PTTG1IP2: variants seen among roughly 807,000 people sequenced by gnomAD.
The protein encoded by PTTG1IP2 is PTTG1IP family member 2.
chr7:90,504,810 C>T (rs1798106591), intron 6 of PTTG1IP2, among the ~76,000 whole-genome samples: 1 of 152,216 alleles, frequency 6.6e-6, no homozygotes, highest in Non-Finnish European at 1.5e-5. Flanking sequence ...TCACTTTTGT[C>T]TCATGGCTGA....
chr7:90,509,076 A>T (rs11563369), intron 6 of PTTG1IP2, among the ~76,000 whole-genome samples: 19,015 of 150,878 alleles, frequency 0.13, 1,345 homozygotes, highest in Middle Eastern at 0.21. Context: ...TAAAGATGAC[A>T]TGGAAATATA....
chr7:90,509,868 A>T (rs533039344), intron 6 of PTTG1IP2, among the ~76,000 whole-genome samples: 1 of 152,162 alleles, frequency 6.6e-6, no homozygotes, highest in African/African-American at 2.4e-5. Context: ...ATAACCTATT[A>T]ATATTTGTAA....
chr7:90,490,336 A>T (rs542953730), intron 4 of PTTG1IP2, among the ~76,000 whole-genome samples: 1 of 152,138 alleles, frequency 6.6e-6, no homozygotes, highest in African/African-American at 2.4e-5. Context: ...TAAATAAGAT[A>T]GACGTGACCC....
intron 2 of PTTG1IP2, among the ~76,000 whole-genome samples, chr7:90,483,380 G>T (rs1238621528): frequency 6.6e-6 from 1 of 152,128 alleles, no homozygotes; most frequent in East Asian, 1.9e-4. Context: ...TTTCTGAGGT[G>T]AATCCCTTAG....
chr7:90,472,641 T>G (rs2116040301), intron 1 of PTTG1IP2, among the ~76,000 whole-genome samples: 1 of 152,342 alleles, frequency 6.6e-6, no homozygotes, highest in South Asian at 2.1e-4. Context: ...GCCTCATTCC[T>G]CTGTCCTCTA....
intron 4 of PTTG1IP2, among the ~76,000 whole-genome samples, chr7:90,491,460 T>C (rs1797936674): frequency 6.6e-6 from 1 of 151,908 alleles, no homozygotes; most frequent in Admixed American, 6.6e-5. Context: ...CCATCTCTAC[T>C]AAAAATACAA....
chr7:90,471,695 C>T (rs1797689428), intron 1 of PTTG1IP2, among the ~76,000 whole-genome samples: 1 of 152,128 alleles, frequency 6.6e-6, no homozygotes, highest in South Asian at 2.1e-4. Context: ...TACTATAATC[C>T]AATAATTTTT....
At position 90,469,810 on chromosome 7, in the gene PTTG1IP2, C is replaced by T. The variant is rs1435234002; in HGVS notation, c.24C>T (p.Gly8=). ...AGATGTGCTGGCTGCGGGCATGGGG[C>T]CAGATCCTCCTGCCAGTTTTCCTCT... MCWLRAW[G]QILLPVFLSL... is the part of the protein sequence containing the mutation. The change falls in exon 1 of 7, where the codon GGC becomes GGT. Residue 8 remains glycine (G), a synonymous_variant. Transcript: ENST00000509356. The T allele has an allele frequency of 2.6e-5, 4 of 152,874 alleles. No individual in the cohort carries two copies. The highest frequency in any genetic ancestry group is 9.7e-5 in the African/African-American group (4 of 41,426). The allele number at this position is 152,874 out of a possible 1,614,324, so 9.5% of individuals were successfully genotyped here.
intron 4 of PTTG1IP2, among the ~76,000 whole-genome samples, chr7:90,491,896 C>T (rs562562015): frequency 8.6e-5 from 13 of 151,718 alleles, no homozygotes; most frequent in East Asian, 3.9e-4. Context: ...TTTGGGAGGC[C>T]GAAGTGGGTG....
intron 6 of PTTG1IP2, among the ~76,000 whole-genome samples, chr7:90,495,428 T>C (rs1269619611): frequency 6.6e-6 from 1 of 152,204 alleles, no homozygotes; most frequent in Admixed American, 6.5e-5. Context: ...GGACTATCCT[T>C]TGGATTACAA....
Position 90,498,411 on chromosome 7 carries a change from C to A in PTTG1IP2, c.*50+3981C>A, listed in dbSNP as rs935762442. Among the ~76,000 whole-genome samples, 3 of 152,264 alleles carry A rather than the reference C, an allele frequency of 2.0e-5. No individual in the cohort carries two copies. The East Asian group carries it at 5.8e-4, about 29-fold the overall frequency. On this transcript the variant is annotated intron_variant, in intron 6 of 6. Transcript: ENST00000509356. Reference sequence around the variant, plus strand: ...AAAAATAAGATCCAACTATATGCTGCCTGTAGGAGACTCTCTTCACCATCT... The same window carrying A: ...AAAAATAAGATCCAACTATATGCTGACTGTAGGAGACTCTCTTCACCATCT...
chr7:90,498,180 C>T (rs569101453), intron 6 of PTTG1IP2, among the ~76,000 whole-genome samples: 1 of 152,260 alleles, frequency 6.6e-6, no homozygotes, highest in East Asian at 1.9e-4. Context: ...CGCCCGCCAC[C>T]ACGCCTGGCT....
At chr7:90,512,871 T>C (rs1356675714) in intron 6 of PTTG1IP2, among the ~76,000 whole-genome samples, 1 of 152,224 alleles carries the variant, frequency 6.6e-6, no homozygotes, top group Non-Finnish European at 1.5e-5. Context: ...AAAGTTGAAC[T>C]GATGTGGTGA....
chr7:90,494,697 T>C (rs1261740845), intron 6 of PTTG1IP2, among the ~76,000 whole-genome samples: 2 of 151,998 alleles, frequency 1.3e-5, no homozygotes, highest in East Asian at 3.9e-4. Flanking sequence ...GCCCGGACAA[T>C]ATAGCGAGAT....
chr7:90,501,851 T>G (rs1273048175), intron 6 of PTTG1IP2, among the ~76,000 whole-genome samples: 1 of 152,208 alleles, frequency 6.6e-6, no homozygotes, highest in Non-Finnish European at 1.5e-5. Context: ...GATTCGTTCT[T>G]CCTTTCATTA....
intron 6 of PTTG1IP2, among the ~76,000 whole-genome samples, chr7:90,505,012 C>A (rs1166993764): frequency 6.6e-6 from 1 of 152,194 alleles, no homozygotes; most frequent in Non-Finnish European, 1.5e-5. Flanking sequence ...TAGCTAATCT[C>A]ATGCTAGCAG....
chr7:90,489,358 A>T (rs1031086036), intron 4 of PTTG1IP2, among the ~76,000 whole-genome samples: 9 of 151,718 alleles, frequency 5.9e-5, no homozygotes, highest in African/African-American at 1.9e-4. Flanking sequence ...TTTTGCTATT[A>T]GTAGGTATTA....
At chr7:90,487,708 A>G (rs1302969436) in intron 3 of PTTG1IP2, among the ~76,000 whole-genome samples, 1 of 152,198 alleles carries the variant, frequency 6.6e-6, no homozygotes, top group Non-Finnish European at 1.5e-5. Flanking sequence ...GCAATTATTC[A>G]TTCAAATTAA....
intron 6 of PTTG1IP2, among the ~76,000 whole-genome samples, chr7:90,501,034 A>C (rs1240640076): frequency 6.6e-6 from 1 of 152,188 alleles, no homozygotes; most frequent in African/African-American, 2.4e-5. Context: ...TATTTCAATT[A>C]TATATTTTCA....
Sources: allele counts gnomAD v4.1 joint callset (sites outside exome capture counted in the v4.1 genomes callset), GRCh38; gene constraint gnomAD v4.1.1; transcripts MANE v1.5; gene names NCBI Gene and HGNC (gene_info 2026-07-23, HGNC 2026-07-21).